Variants in HMOX1 observed in about 807,000 individuals in gnomAD.
HMOX1 encodes the protein heat shock protein, 32-kD.
A neutral mutation model predicts 27.8 loss-of-function variants in HMOX1; 22 were observed. The observed-to-expected ratio is 0.79, with a 90% CI of 0.57 to 1.13. The LOEUF (loss-of-function observed/expected upper bound fraction) is 1.13. Among genes scored for constraint, HMOX1 ranks in the 50% most tolerant of loss-of-function variants. HMOX1 has a pLI of 0.00. For missense variants in HMOX1, 379 were observed against 377.7 expected, an observed-to-expected ratio of 1.00 and a Z score of -0.03; for synonymous variants, 153 against 151.6, an observed-to-expected ratio of 1.01 and a Z score of -0.07.
At position 35,383,231 on chromosome 22, in the gene HMOX1, G is replaced by C. The variant is rs763526327; in HGVS notation, c.144+5G>C. On this transcript the variant is annotated splice_donor_5th_base_variant and intron_variant, in intron 2 of 4. Transcript: ENST00000216117. ...GTGACCCGAGACGGCTTCAAGGTAT[G>C]TGGCTTGGTGGGACTAGCCCTGGTG... 2 of 1,613,096 alleles carry C rather than the reference G, an allele frequency of 1.2e-6. No individual in the cohort carries two copies. Among genetic ancestry groups the C allele is most frequent in the Middle Eastern group, 1.7e-4 (1 of 6,060 alleles).
rs1029004837 is a variant in HMOX1, at chr22:35,387,062, T to G, written c.522T>G (p.Ser174Arg). 25 of 1,613,490 alleles carry G rather than the reference T, an allele frequency of 1.5e-5. No individual in the cohort carries two copies. The highest frequency in any genetic ancestry group is 1.7e-5 in the Admixed American group (1 of 60,006). ...TCTTCACCTTCCCCAACATTGCCAGTGCCACCAAGTTCAAGCAGCTCTACC... is the reference window on the plus strand; with the variant it reads ...TCTTCACCTTCCCCAACATTGCCAGGGCCACCAAGTTCAAGCAGCTCTACC... The part of the protein sequence containing the change: ...LAFFTFPNIA[S>R]ATKFKQLYRS... The change falls in exon 3 of 5, where the codon AGT (serine) becomes AGG (arginine). Residue 174 changes from serine to arginine, a missense_variant. Physicochemically the swap from Ser to Arg is moderately radical, Grantham distance 110. Transcript: ENST00000216117.
At chr22:35,385,084 G>A (rs535731084) in intron 2 of HMOX1, among the ~76,000 whole-genome samples, 5 of 152,134 alleles carry the variant, frequency 3.3e-5, no homozygotes, top group Admixed American at 2.0e-4. Context: ...AAATTTAAAC[G>A]GGCGTATTAA....
At chr22:35,383,339 A>G in intron 2 of HMOX1, 113 bp downstream of exon 2, 2 of 1,188,796 alleles carry the variant, frequency 1.7e-6, no homozygotes, top group Non-Finnish European at 2.4e-6. Flanking sequence ...GGGCATGTCC[A>G]ATAGAATCAT....
At chr22:35,389,383 C>CTTTCTTT (rs1931634186) in intron 3 of HMOX1, among the ~76,000 whole-genome samples, 4 of 58,320 alleles carry the variant, frequency 6.9e-5, no homozygotes, top group African/African-American at 2.7e-4. Context: ...TTCCTTCCTT[C>CTTTCTTT]CTTCCTTCCT....
intron 2 of HMOX1, among the ~76,000 whole-genome samples, chr22:35,383,851 T>A (rs8140669): frequency 0.096 from 14,549 of 152,154 alleles, 2,146 homozygotes; most frequent in African/African-American, 0.32. Flanking sequence ...AGGTACTGAT[T>A]TTGCTGTTTC....
chr22:35,388,427 GGGCAAC>G (rs1489776717), intron 3 of HMOX1, among the ~76,000 whole-genome samples: 2 of 151,886 alleles, frequency 1.3e-5, no homozygotes, highest in African/African-American at 4.8e-5. Context: ...ACTCCAGCCT[GGGCAAC>G]GGCAACAGAG....
intron 3 of HMOX1, among the ~76,000 whole-genome samples, chr22:35,389,414 TTCTTTC>T (rs1317536940): frequency 9.1e-6 from 1 of 109,894 alleles, no homozygotes; most frequent in Non-Finnish European, 1.7e-5. Flanking sequence ...CTTTCTTTCT[TTCTTTC>T]TTTCTTTCTA....
chr22:35,381,436 C>G, intron 1 of HMOX1: 1 of 586,030 alleles, frequency 1.7e-6, no homozygotes, highest in Non-Finnish European at 3.0e-6. Flanking sequence ...ATGGGAGTGT[C>G]CCTAGAGTAT....
At chr22:35,390,602 G>A (rs767109703) in intron 4 of HMOX1, among the ~76,000 whole-genome samples, 1 of 152,106 alleles carries the variant, frequency 6.6e-6, no homozygotes, top group Non-Finnish European at 1.5e-5. Flanking sequence ...TGTGGCTCTG[G>A]GCAAGCCATG....
chr22:35,387,264 G>T, intron 3 of HMOX1, 88 bp downstream of exon 3: 1 of 1,526,280 alleles, frequency 6.6e-7, no homozygotes. Context: ...GGTGCTATAG[G>T]TCATGGTTAA....
intron 2 of HMOX1, 85 bp downstream of exon 2, chr22:35,383,311 GA>G: frequency 2.1e-6 from 3 of 1,458,792 alleles, no homozygotes; most frequent in Non-Finnish European, 2.9e-6. Flanking sequence ...TTTAAGTGGG[GA>G]TGCTGAGGGA....
chr22:35,391,217 G>A (rs189492182), intron 4 of HMOX1, among the ~76,000 whole-genome samples: 106 of 152,252 alleles, frequency 7.0e-4, no homozygotes, highest in Admixed American at 2.5e-3. Flanking sequence ...GGCTGTGGGA[G>A]GTGGTAATCC....
chr22:35,385,271 C>A (rs2145765716), intron 2 of HMOX1, among the ~76,000 whole-genome samples: 1 of 152,170 alleles, frequency 6.6e-6, no homozygotes, highest in South Asian at 2.1e-4. Context: ...TAAGCACTTT[C>A]ATTTCAGCTG....
intron 2 of HMOX1, among the ~76,000 whole-genome samples, chr22:35,385,419 A>G (rs1931477773): frequency 6.7e-6 from 1 of 148,920 alleles, no homozygotes; most frequent in South Asian, 2.1e-4. Context: ...TGGGAATAGC[A>G]ATTCCTTTGT....
intron 2 of HMOX1, among the ~76,000 whole-genome samples, chr22:35,385,322 G>A (rs528011639): frequency 7.9e-5 from 12 of 152,154 alleles, no homozygotes; most frequent in African/African-American, 2.4e-4. Flanking sequence ...GGCAATGCCC[G>A]GTCTTCAATC....
At position 35,390,618 on chromosome 22, in the gene HMOX1, T is replaced by G. The variant is rs142820071; in HGVS notation, c.736+655T>G. On this transcript the variant is annotated intron_variant, in intron 4 of 4. Coordinates refer to ENST00000216117, the MANE Select transcript of HMOX1 (RefSeq NM_002133.3). The stretch of plus-strand genomic sequence containing the variant: ...GTGGCTCTGGGCAAGCCATGAGACT[T>G]CTCCCTACCTCAGTTTCCCCACCCG... Among the ~76,000 whole-genome samples the G allele has an allele frequency of 3.6e-3, 550 of 152,190 alleles. 7 individuals carry two copies. The East Asian group carries it at 0.051, about 14-fold the overall frequency.
At chr22:35,387,218 T>A (rs1211346254) in intron 3 of HMOX1, 42 bp downstream of exon 3, 4 of 1,611,960 alleles carry the variant, frequency 2.5e-6, no homozygotes, top group South Asian at 1.1e-5. Flanking sequence ...CCTCCCCCCG[T>A]TGTTCCTCCA....
rs568764896 is a variant in HMOX1 at position 35,391,437 on chromosome 22, G to A, written c.736+1474G>A. ...CGAGTAGCTGGGACTACAGGTGCCC[G>A]CCACCATGCCTGGCTAATTTTTTGT... On this transcript the variant is annotated intron_variant, in intron 4 of 4. Transcript: ENST00000216117. 3.5e-3 allele frequency among the ~76,000 whole-genome samples: 530 copies of A among 151,628 alleles called. 2 individuals carry two copies. The highest frequency in any genetic ancestry group is 0.012 in the African/African-American group (483 of 41,326).
At chr22:35,385,936 G>GTTTA (rs57667882) in intron 2 of HMOX1, among the ~76,000 whole-genome samples, 9,003 of 145,364 alleles carry the variant, frequency 0.062, 327 homozygotes, top group African/African-American at 0.11. Flanking sequence ...CAGCTGGCTA[G>GTTTA]TTTATTTATT....
Sources: allele counts gnomAD v4.1 joint callset (sites outside exome capture counted in the v4.1 genomes callset), GRCh38; gene constraint gnomAD v4.1.1; transcripts MANE v1.5; gene names NCBI Gene and HGNC (gene_info 2026-07-23, HGNC 2026-07-21).